Variants in SGCG observed in about 807,000 individuals in gnomAD.
The protein encoded by SGCG is gamma-sarcoglycan.
In SGCG, 26 loss-of-function variants were observed where a neutral mutation model predicts 29.3. The observed-to-expected ratio is 0.89, with a 90% CI of 0.65 to 1.23. SGCG has a LOEUF of 1.23. Ranked by LOEUF, SGCG falls within the 50% of genes most tolerant of loss-of-function variation. The pLI is 0.00. For synonymous variants in SGCG, 145 were observed against 129.7 expected, an observed-to-expected ratio of 1.12 and a Z score of -0.80; for missense variants, 353 against 356.0, an observed-to-expected ratio of 0.99 and a Z score of 0.07.
At chr13:23,169,552 G>A in the SGCG span, among the ~76,000 whole-genome samples, 4 of 152,108 alleles carry the variant, frequency 2.6e-5, no homozygotes, top group African/African-American at 9.6e-5. Context: ...AGTGGTGCAT[G>A]CCTGTAGTCC....
intron 4 of SGCG, among the ~76,000 whole-genome samples, chr13:23,252,646 G>C (rs1019476905): frequency 6.6e-6 from 1 of 152,070 alleles, no homozygotes; most frequent in Non-Finnish European, 1.5e-5. Context: ...AGCCAAGATC[G>C]CATCACTGCA....
chr13:23,267,047 G>A (rs1220857678), intron 4 of SGCG, among the ~76,000 whole-genome samples: 1 of 152,170 alleles, frequency 6.6e-6, no homozygotes, highest in Non-Finnish European at 1.5e-5. Context: ...ATAAACAACA[G>A]TGGAATCTTA....
chr13:23,196,180 A>G (rs560179493), intron 1 of SGCG, among the ~76,000 whole-genome samples: 1 of 152,272 alleles, frequency 6.6e-6, no homozygotes, highest in Admixed American at 6.5e-5. Context: ...TAGTAATTTG[A>G]TGGATTAATT....
At chr13:23,173,707 C>A in the SGCG span, among the ~76,000 whole-genome samples, 3 of 152,158 alleles carry the variant, frequency 2.0e-5, no homozygotes, top group Non-Finnish European at 4.4e-5. Context: ...AGTATTCTTA[C>A]TTGATAATAA....
chr13:23,182,939 G>C (rs193260093), intron 1 of SGCG, among the ~76,000 whole-genome samples: 1 of 152,164 alleles, frequency 6.6e-6, no homozygotes, highest in African/African-American at 2.4e-5. Context: ...CAGTGGAGGC[G>C]GCAGTGAAGA....
intron 7 of SGCG, among the ~76,000 whole-genome samples, chr13:23,323,253 TAAAG>T (rs1883115060): frequency 6.6e-6 from 1 of 152,218 alleles, no homozygotes; most frequent in East Asian, 1.9e-4. Context: ...GATAATAACC[TAAAG>T]ATTCTACTTG....
intron 2 of SGCG, among the ~76,000 whole-genome samples, chr13:23,214,703 C>T (rs768603481): frequency 3.0e-4 from 46 of 152,114 alleles, no homozygotes; most frequent in Admixed American, 1.3e-4. Context: ...GATATTGATG[C>T]CTTAAACCAC....
intron 4 of SGCG, among the ~76,000 whole-genome samples, chr13:23,261,089 C>T (rs1880417189): frequency 1.3e-5 from 2 of 152,086 alleles, no homozygotes; most frequent in African/African-American, 2.4e-5. Context: ...GCCTCCCTTG[C>T]TAGGCTGGGG....
chr13:23,245,771 C>A (rs541522457), intron 3 of SGCG: 1 of 152,136 alleles, frequency 6.6e-6, no homozygotes, highest in African/African-American at 2.4e-5. Context: ...TAAATTTTCC[C>A]GGAAGACTAG....
rs188562111 is a variant in SGCG, at chr13:23,241,871, A to T, written c.297+7159A>T. On this transcript the variant is annotated intron_variant, in intron 3 of 7. Transcript: ENST00000218867. ...TCGATAGATGCAGAAAAAGCATTTGATAAAATTCAGCATCTCTTCATGATA... is the reference window on the plus strand; with the variant it reads ...TCGATAGATGCAGAAAAAGCATTTGTTAAAATTCAGCATCTCTTCATGATA... Among the ~76,000 whole-genome samples, 19 of 152,380 alleles carry T rather than the reference A, an allele frequency of 1.2e-4. No homozygotes were observed. The East Asian group carries it at 3.5e-3, about 28-fold the overall frequency.
chr13:23,168,581 G>A, the SGCG span, among the ~76,000 whole-genome samples: 1 of 152,122 alleles, frequency 6.6e-6, no homozygotes, highest in African/African-American at 2.4e-5. Flanking sequence ...AGGACAGTTG[G>A]TAATTAATTG....
chr13:23,227,118 T>G (rs971834875), intron 2 of SGCG, among the ~76,000 whole-genome samples: 1 of 152,156 alleles, frequency 6.6e-6, no homozygotes, highest in Non-Finnish European at 1.5e-5. Context: ...GATGGCATCA[T>G]GAGGCAGCTC....
intron 2 of SGCG, among the ~76,000 whole-genome samples, chr13:23,223,143 T>G (rs146938819): frequency 6.6e-6 from 1 of 151,948 alleles, no homozygotes; most frequent in Non-Finnish European, 1.5e-5. Context: ...CGGGGTGTGG[T>G]GGCGGGCGCC....
intron 1 of SGCG, among the ~76,000 whole-genome samples, chr13:23,183,574 A>T (rs970077921): frequency 1.3e-5 from 2 of 152,218 alleles, no homozygotes; most frequent in Non-Finnish European, 2.9e-5. Context: ...TATGAAGGAA[A>T]GAAAGGCAAG....
chr13:23,165,311 T>A, the SGCG span, among the ~76,000 whole-genome samples: 12 of 152,132 alleles, frequency 7.9e-5, no homozygotes, highest in African/African-American at 2.9e-4. Context: ...ATAAACAAAA[T>A]GAATATTGCA....
At chr13:23,293,217 T>C (rs770431070) in intron 5 of SGCG, among the ~76,000 whole-genome samples, 13 of 152,250 alleles carry the variant, frequency 8.5e-5, no homozygotes, top group Admixed American at 3.9e-4. Context: ...CTGTTTCTTA[T>C]CTGAGTATAA....
chr13:23,249,606 A>G (rs1879880801), intron 3 of SGCG, among the ~76,000 whole-genome samples: 2 of 152,210 alleles, frequency 1.3e-5, no homozygotes, highest in Non-Finnish European at 2.9e-5. Flanking sequence ...CAGAAGGAAA[A>G]ACGTACATGG....
At chr13:23,189,110 C>G (rs1444678222) in intron 1 of SGCG, among the ~76,000 whole-genome samples, 1 of 152,196 alleles carries the variant, frequency 6.6e-6, no homozygotes, top group Non-Finnish European at 1.5e-5. Flanking sequence ...TACACAGGGA[C>G]AGGAACTCCC....
At chr13:23,161,105 C>T in the SGCG span, among the ~76,000 whole-genome samples, 1 of 152,078 alleles carries the variant, frequency 6.6e-6, no homozygotes, top group African/African-American at 2.4e-5. Context: ...TGCAAAGTTG[C>T]GTAGGGGTTA....
Sources: gnomAD v4.1 joint callset for allele counts (sites outside exome capture counted in the v4.1 genomes callset) on GRCh38, gnomAD v4.1.1 for gene constraint, MANE v1.5 for transcripts, NCBI Gene and HGNC (gene_info 2026-07-23, HGNC 2026-07-21) for gene names.